ZCCHC14: variants seen among roughly 807,000 people sequenced by gnomAD.
The protein encoded by ZCCHC14 is zinc finger CCHC-type containing 14.
In ZCCHC14, 16 loss-of-function variants were observed where a neutral mutation model predicts 85.0. That is an observed-to-expected ratio of 0.19 (90% CI 0.13 to 0.29). ZCCHC14 has a LOEUF of 0.29. ZCCHC14 is among the 10% of genes least tolerant of loss of function. ZCCHC14 has a pLI of 1.00. For synonymous variants in ZCCHC14, 775 were observed against 630.7 expected (o/e 1.23, Z -3.43); for missense variants, 1,303 against 1,443.5 (o/e 0.90, Z 1.58).
At chr16:87,489,521 C>G (rs1213723143) in intron 1 of ZCCHC14, among the ~76,000 whole-genome samples, 1 of 152,222 alleles carries the variant, frequency 6.6e-6, no homozygotes, top group East Asian at 1.9e-4. Flanking sequence ...TGCACCTCTG[C>G]TGGAAGCTCA....
chr16:87,436,749 A>G (rs1291258921), intron 2 of ZCCHC14, among the ~76,000 whole-genome samples: 3 of 152,234 alleles, frequency 2.0e-5, no homozygotes, highest in Admixed American at 6.5e-5. Context: ...AAAGCCTCGG[A>G]TATTAACTGG....
chr16:87,420,768 G>T lies in ZCCHC14; in HGVS notation c.841-52C>A, dbSNP rs1203280163. 4.8e-6 allele frequency: 7 copies of T among 1,467,476 alleles called. No individual in the cohort carries two copies. In the East Asian group the frequency reaches 1.7e-4, roughly 35 times the overall value. The allele number at this position is 1,467,476 out of a possible 1,614,324, so 90.9% of individuals were successfully genotyped here. A position where few individuals can be genotyped will look rare whatever the true frequency, so the allele number is the denominator to read the frequency against. On this transcript the variant is annotated intron_variant, in intron 4 of 12. Transcript: ENST00000671377. This position sits in a 1 kb window ranked among gnomAD's most constrained non-coding sequence, Gnocchi z 5.0. The stretch of plus-strand genomic sequence containing the variant: ...GTGTGTCCAGACCCATCCAACACCA[G>T]CAGAATTCTGCTACTGCAGGAAAAC...
At chr16:87,438,182 C>A (rs934691749) in intron 2 of ZCCHC14, among the ~76,000 whole-genome samples, 1 of 152,258 alleles carries the variant, frequency 6.6e-6, no homozygotes, top group Non-Finnish European at 1.5e-5. Flanking sequence ...CGCAGCACTG[C>A]GTGGCACACA....
At chr16:87,435,952 C>A (rs1214785000) in intron 2 of ZCCHC14, among the ~76,000 whole-genome samples, 2 of 152,176 alleles carry the variant, frequency 1.3e-5, no homozygotes, top group Admixed American at 1.3e-4. Flanking sequence ...TTATGTTTTT[C>A]TAAAGCAGTA....
chr16:87,413,446 T>G (rs1597397910), intron 10 of ZCCHC14, among the ~76,000 whole-genome samples: 1 of 152,212 alleles, frequency 6.6e-6, no homozygotes, highest in African/African-American at 2.4e-5. Flanking sequence ...AACAATGCCC[T>G]GTGAAGGGCA....
At chr16:87,487,552 C>T (rs1001564349) in intron 1 of ZCCHC14, among the ~76,000 whole-genome samples, 2 of 152,264 alleles carry the variant, frequency 1.3e-5, no homozygotes, top group African/African-American at 4.8e-5. Flanking sequence ...CACAGCTCTG[C>T]ACACGGCACC....
chr16:87,465,929 C>T (rs1911497955), intron 1 of ZCCHC14, among the ~76,000 whole-genome samples: 1 of 152,260 alleles, frequency 6.6e-6, no homozygotes, highest in East Asian at 1.9e-4. Flanking sequence ...GCTGGGATTA[C>T]AGGCGTGAGC....
In ZCCHC14 at chr16:87,449,304, C is replaced by A. The variant is rs183043835; in HGVS notation, c.694+10704G>T. ...AAAACCTCATAAAAACAATTGGGCA[C>A]ACTTTAATGTTCCTATCTCTAAAAC... On this transcript the variant is annotated intron_variant, in intron 2 of 12. Transcript: ENST00000671377. Among the ~76,000 whole-genome samples, 397 of 152,292 alleles carry A rather than the reference C, an allele frequency of 2.6e-3. 2 individuals carry two copies. The highest frequency in any genetic ancestry group is 8.5e-3 in the African/African-American group (351 of 41,530).
chr16:87,411,602 C>T lies in ZCCHC14; in HGVS notation c.3119G>A (p.Ser1040Asn), dbSNP rs528422879. Residue 1040 changes from serine to asparagine, a missense_variant, in exon 12 of 13, where the codon AGC (serine) becomes AAC (asparagine). This residue lies in a region of ZCCHC14 where 797 missense variants were observed against 730.8 expected (regional missense o/e 1.09). Coordinates refer to ENST00000671377, the MANE Select transcript of ZCCHC14 (RefSeq NM_015144.3). The part of the protein sequence containing the change: ...GSSNGSSHKK[S>N]GNLSCYNCGA... ...GCAGTTGTAACAAGATAGGTTCCCG[C>T]TCTTTTTGTGACTGGAACCATTGCT... 44 of 1,613,954 alleles carry T rather than the reference C, an allele frequency of 2.7e-5. 1 individual carries two copies. The highest frequency in any genetic ancestry group is 2.1e-4 in the African/African-American group (16 of 75,068).
At chr16:87,443,498 G>T (rs574880754) in intron 2 of ZCCHC14, among the ~76,000 whole-genome samples, 19 of 152,304 alleles carry the variant, frequency 1.2e-4, no homozygotes, top group African/African-American at 4.6e-4. Context: ...CACTTTGGGA[G>T]GCCAAGGCAG....
rs908832214 is a variant in ZCCHC14 at position 87,406,804 on chromosome 16, A to AT, written c.*3475dup. On this transcript the variant is annotated 3_prime_UTR_variant, in exon 13 of 13. Transcript: ENST00000671377. The stretch of plus-strand genomic sequence containing the variant: ...TCAGACCCTTGGGACTTTTCAACAA[A>AT]TTCGCCTCTTCAGAACCCATGGCTT... The AT allele has an allele frequency of 1.3e-5, 2 of 152,192 alleles. No homozygotes were observed. The highest frequency in any genetic ancestry group is 4.8e-5 in the African/African-American group (2 of 41,432). 9.4% of individuals were successfully genotyped at this position (152,192 alleles called of 1,614,324 possible).
intron 2 of ZCCHC14, among the ~76,000 whole-genome samples, chr16:87,455,068 C>T (rs1294538488): frequency 1.3e-5 from 2 of 152,236 alleles, no homozygotes; most frequent in East Asian, 3.8e-4. Flanking sequence ...GCGGGCAGAT[C>T]ACCTGAGGTC....
intron 1 of ZCCHC14, among the ~76,000 whole-genome samples, chr16:87,465,316 T>A (rs1479497157): frequency 6.6e-6 from 1 of 152,250 alleles, no homozygotes; most frequent in Non-Finnish European, 1.5e-5. Flanking sequence ...TACATCATGA[T>A]ATCACCAAAT....
intron 1 of ZCCHC14, among the ~76,000 whole-genome samples, chr16:87,490,935 C>T (rs909000061): frequency 1.3e-5 from 2 of 152,262 alleles, no homozygotes; most frequent in African/African-American, 4.8e-5. Flanking sequence ...AGGCCCCAAG[C>T]AGGGCCTCCA....
At chr16:87,414,884 C>G (rs987792839) in intron 9 of ZCCHC14, among the ~76,000 whole-genome samples, 3 of 152,204 alleles carry the variant, frequency 2.0e-5, no homozygotes, top group African/African-American at 7.2e-5. Flanking sequence ...AGTTTGAGAT[C>G]AGCTTGGCCA....
chr16:87,419,736 G>GTTTTT, intron 6 of ZCCHC14, 47 bp downstream of exon 6: 1 of 1,119,448 alleles, frequency 8.9e-7, no homozygotes, highest in Non-Finnish European at 1.2e-6. Context: ...GCGCCCAGCT[G>GTTTTT]TTTTTTTTTT....
intron 2 of ZCCHC14, among the ~76,000 whole-genome samples, chr16:87,446,468 A>T (rs937805258): frequency 1.4e-4 from 18 of 132,514 alleles, no homozygotes; most frequent in African/African-American, 5.3e-4. Flanking sequence ...TGGGCGACAG[A>T]GGGAGACTCC....
At chr16:87,428,329 A>C (rs537088025) in intron 3 of ZCCHC14, among the ~76,000 whole-genome samples, 1 of 152,296 alleles carries the variant, frequency 6.6e-6, no homozygotes, top group East Asian at 1.9e-4. Context: ...AAGTTTTTAG[A>C]AAAAAACGTT....
chr16:87,420,674 G>C lies in ZCCHC14; in HGVS notation c.883C>G (p.Pro295Ala), dbSNP rs76988513. The C allele has an allele frequency of 3.7e-6, 6 of 1,613,862 alleles. No homozygotes were observed. Among genetic ancestry groups the C allele is most frequent in the Non-Finnish European group, 5.1e-6 (6 of 1,179,864 alleles). The change falls in exon 5 of 13, where the codon CCT (proline) becomes GCT (alanine). Residue 295 changes from proline to alanine, a missense_variant. Coordinates refer to ENST00000671377, the MANE Select transcript of ZCCHC14 (RefSeq NM_015144.3). This position sits in a 1 kb window ranked among gnomAD's most constrained non-coding sequence, Gnocchi z 5.0. ...AATGCGTCCGGACCAGCTAAGCAAGGAATGAGTTTCTCCAAGTTCTCTTCA... is the reference window on the plus strand; with the variant it reads ...AATGCGTCCGGACCAGCTAAGCAAGCAATGAGTTTCTCCAAGTTCTCTTCA... ...YPEENLEKLI[P>A]CLAGPDAFYV...
Sources: gnomAD v4.1 joint callset for allele counts (sites outside exome capture counted in the v4.1 genomes callset) on GRCh38, gnomAD v4.1.1 for gene constraint, gnomAD v4.1.1 regional missense constraint, Gnocchi (gnomAD v3.1) non-coding constraint, MANE v1.5 for transcripts, NCBI Gene and HGNC (gene_info 2026-07-23, HGNC 2026-07-21) for gene names.